SLC5A12: variants seen among roughly 807,000 people sequenced by gnomAD.
The protein encoded by SLC5A12 is solute carrier family 5 member 12, also known as sodium-coupled monocarboxylate transporter 2.
SLC5A12 carries 46 observed loss-of-function variants against 72.7 expected under a neutral mutation model. The observed-to-expected ratio is 0.63, with a 90% CI of 0.50 to 0.81. The LOEUF is 0.81. SLC5A12 is among the 30% of genes least tolerant of loss of function. SLC5A12 has a pLI of 0.00. For missense variants in SLC5A12, 683 were observed against 740.7 expected (o/e 0.92, Z 0.90); for synonymous variants, 275 against 264.4 (o/e 1.04, Z -0.39).
At chr11:26,671,981 G>A (rs1482794791) in intron 14 of SLC5A12, among the ~76,000 whole-genome samples, 2 of 152,080 alleles carry the variant, frequency 1.3e-5, no homozygotes, top group Non-Finnish European at 2.9e-5. Context: ...CAAACTCCTT[G>A]CTTATCAAGC....
rs1290630520 is a variant in SLC5A12, at chr11:26,721,879, G to A, written c.-165C>T. ...CTCGTGTGAATCTTCAGACACCAAC[G>A]TGTACTTAGTGAAGATCTCAAAAGT... is the stretch of plus-strand genomic sequence containing the variant. On this transcript the variant is annotated 5_prime_UTR_variant, in exon 1 of 15. The change creates a new upstream start codon in the 5' untranslated region. Transcript: ENST00000396005. 2 of 644,734 alleles carry A rather than the reference G, an allele frequency of 3.1e-6. No homozygotes were observed. Among genetic ancestry groups the A allele is most frequent in the Non-Finnish European group, 5.4e-6 (2 of 368,396 alleles). 39.9% of individuals were successfully genotyped at this position (644,734 alleles called of 1,614,324 possible). A position where few individuals can be genotyped will look rare whatever the true frequency, so the allele number is the denominator to read the frequency against.
intron 12 of SLC5A12, among the ~76,000 whole-genome samples, chr11:26,679,624 A>G (rs1361297509): frequency 1.3e-5 from 2 of 152,186 alleles, no homozygotes; most frequent in African/African-American, 2.4e-5. Flanking sequence ...ACACTAAAAT[A>G]TATTCATGTA....
chr11:26,695,691 C>G (rs779676818), intron 8 of SLC5A12, among the ~76,000 whole-genome samples: 58 of 152,168 alleles, frequency 3.8e-4, no homozygotes, highest in Non-Finnish European at 6.5e-4. Flanking sequence ...CTCAAATCTT[C>G]CTGACACAGA....
At chr11:26,697,104 A>G (rs949576727) in intron 8 of SLC5A12, 60 bp downstream of exon 8, 32 of 1,408,924 alleles carry the variant, frequency 2.3e-5, no homozygotes, top group Non-Finnish European at 3.0e-6. Flanking sequence ...GTTGATCACT[A>G]CACCATCATC....
At chr11:26,693,331 C>T (rs1393239616) in intron 8 of SLC5A12, among the ~76,000 whole-genome samples, 1 of 152,164 alleles carries the variant, frequency 6.6e-6, no homozygotes, top group African/African-American at 2.4e-5. Flanking sequence ...TTACATTCAA[C>T]AACCTAAAGC....
Position 26,687,620 on chromosome 11 carries a change from G to A in SLC5A12, c.1154-1076C>T, listed in dbSNP as rs1017954002. On this transcript the variant is annotated intron_variant, in intron 9 of 14. Transcript: ENST00000396005. The stretch of plus-strand genomic sequence containing the variant: ...CATACCCAAGAACAGTGCCTGGCAC[G>A]CAGCAAGTACTATGTATTTATCATT... Among the ~76,000 whole-genome samples the A allele has an allele frequency of 2.6e-5, 4 of 152,138 alleles. No individual in the cohort carries two copies. In the East Asian group the frequency reaches 5.8e-4, roughly 22 times the overall value.
chr11:26,671,256 G>C lies in SLC5A12; in HGVS notation c.1708-5C>G. ...ACTGCCATTCTCAAGGTTTTCCTGA[G>C]GGAAATACAAAGACACATATTAGCA... On this transcript the variant is annotated splice_region_variant and splice_polypyrimidine_tract_variant and intron_variant, in intron 14 of 14. Transcript: ENST00000396005. 6.3e-7 allele frequency: 1 copy of C among 1,589,808 alleles called. No individual in the cohort carries two copies. Among genetic ancestry groups the C allele is most frequent in the Non-Finnish European group, 8.6e-7 (1 of 1,168,720 alleles).
Position 26,721,619 on chromosome 11 carries a change from C to G in SLC5A12, c.96G>C (p.Glu32Asp). 6.2e-7 allele frequency: 1 copy of G among 1,614,150 alleles called. No individual in the cohort carries two copies. The highest frequency in any genetic ancestry group is 8.5e-7 in the Non-Finnish European group (1 of 1,180,018). The stretch of plus-strand genomic sequence containing the variant: ...ACTCTCGGGAAGTTGCCTTTTTTCT[C>G]TCCTTAATGGCAAAGAACACCCCAA... ...SGIGVFFAIK[E>D]RKKATSREFL... Residue 32 changes from glutamate (E) to aspartate (D), a missense_variant, in exon 1 of 15, where the codon GAG (glutamate) becomes GAC (aspartate). Transcript: ENST00000396005.
At chr11:26,696,937 T>G (rs73438407) in intron 8 of SLC5A12, among the ~76,000 whole-genome samples, 9 of 152,316 alleles carry the variant, frequency 5.9e-5, no homozygotes, top group African/African-American at 2.2e-4. Context: ...TAACTCACCA[T>G]AGGTAATTTT....
intron 7 of SLC5A12, among the ~76,000 whole-genome samples, chr11:26,698,093 T>G (rs1854868665): frequency 1.3e-5 from 2 of 151,914 alleles, no homozygotes; most frequent in South Asian, 4.2e-4. Flanking sequence ...AGACGATATT[T>G]TGCCGTGTTG....
chr11:26,693,591 T>C (rs1854735835), intron 8 of SLC5A12, among the ~76,000 whole-genome samples: 1 of 152,122 alleles, frequency 6.6e-6, no homozygotes, highest in Non-Finnish European at 1.5e-5. Flanking sequence ...TTTTAGCTAG[T>C]GGAACAGATA....
chr11:26,711,482 C>A, intron 2 of SLC5A12, 124 bp from the exon 3 acceptor site: 1 of 741,214 alleles, frequency 1.3e-6, no homozygotes, highest in Non-Finnish European at 2.4e-6. Flanking sequence ...ACATTGCATT[C>A]CTGTTGACTC....
chr11:26,682,211 T>C (rs1051396965), intron 11 of SLC5A12, among the ~76,000 whole-genome samples: 4 of 152,076 alleles, frequency 2.6e-5, no homozygotes, highest in African/African-American at 9.7e-5. Flanking sequence ...TGGAATTTTA[T>C]GTAATATTTT....
At chr11:26,672,723 T>C (rs1376370669) in intron 14 of SLC5A12, among the ~76,000 whole-genome samples, 1 of 152,140 alleles carries the variant, frequency 6.6e-6, no homozygotes, top group East Asian at 1.9e-4. Flanking sequence ...TTTCTGGTGG[T>C]CTTTGGCTGA....
Position 26,705,636 on chromosome 11 carries a change from A to C in SLC5A12, c.526-1689T>G, listed in dbSNP as rs1044971626. On this transcript the variant is annotated intron_variant, in intron 4 of 14. Coordinates refer to ENST00000396005, the MANE Select transcript of SLC5A12 (RefSeq NM_178498.4). ...TTCACACATGGTTTGAGGTATAATA[A>C]ATTTCTTACCTGTTACCTCCTAGGT... 6.6e-5 allele frequency among the ~76,000 whole-genome samples: 10 copies of C among 152,192 alleles called. No individual in the cohort carries two copies. In the South Asian group the frequency reaches 2.1e-3, roughly 32 times the overall value.
intron 9 of SLC5A12, among the ~76,000 whole-genome samples, chr11:26,690,467 A>G (rs1854640909): frequency 6.6e-6 from 1 of 151,698 alleles, no homozygotes; most frequent in South Asian, 2.1e-4. Context: ...ATATTTTTAA[A>G]ACTGAGGAAT....
chr11:26,680,401 A>ATATG (rs1164822542), intron 12 of SLC5A12, among the ~76,000 whole-genome samples: 5 of 119,120 alleles, frequency 4.2e-5, no homozygotes, highest in Admixed American at 9.7e-5. Flanking sequence ...ATTCATATAT[A>ATATG]TATATATATT....
Position 26,721,020 on chromosome 11 carries a change from T to A in SLC5A12, c.339+356A>T, listed in dbSNP as rs190318027. Reference sequence around the variant, plus strand: ...TTTCTTAGCTGGAAAATTGCCGTACTCATGAGAAATGTTCTGTTTGCTTTT... The same window carrying A: ...TTTCTTAGCTGGAAAATTGCCGTACACATGAGAAATGTTCTGTTTGCTTTT... On this transcript the variant is annotated intron_variant, in intron 1 of 14. Coordinates refer to ENST00000396005, the MANE Select transcript of SLC5A12 (RefSeq NM_178498.4). Among the ~76,000 whole-genome samples the A allele has an allele frequency of 3.0e-4, 45 of 152,304 alleles. No homozygotes were observed. The East Asian group carries it at 7.9e-3, about 27-fold the overall frequency.
At chr11:26,722,968 G>T (rs865999478), upstream of SLC5A12, among the ~76,000 whole-genome samples, 7 of 151,378 alleles carry the variant, frequency 4.6e-5, no homozygotes, top group Middle Eastern at 3.4e-3. Context: ...TTTGTACTCA[G>T]CCATCATCTT....
Sources: allele counts gnomAD v4.1 joint callset (sites outside exome capture counted in the v4.1 genomes callset), GRCh38; gene constraint gnomAD v4.1.1; transcripts MANE v1.5; gene names NCBI Gene and HGNC (gene_info 2026-07-23, HGNC 2026-07-21).